Variants in CAPRIN1 observed in about 807,000 individuals in gnomAD.
CAPRIN1 encodes the protein caprin-1.
A neutral mutation model predicts 100.9 loss-of-function variants in CAPRIN1; 29 were observed. The observed-to-expected ratio is 0.29, with a 90% CI of 0.21 to 0.39. The LOEUF (loss-of-function observed/expected upper bound fraction) is 0.39, where lower values mean the gene tolerates loss of function less well. Among genes scored for constraint, CAPRIN1 ranks in the 10% least tolerant of loss-of-function variants. The pLI, the probability that CAPRIN1 is intolerant of heterozygous loss-of-function variation, is 1.00. For synonymous variants in CAPRIN1, 338 were observed against 307.5 expected (o/e 1.10, Z -1.04); for missense variants, 795 against 876.7 (o/e 0.91, Z 1.18).
Position 34,053,195 on chromosome 11 carries a change from C to T in CAPRIN1, c.216+559C>T, listed in dbSNP as rs1733324279. ...TGTTTAGAATCTTAAGGTAGAACTG[C>T]CTTTCCGGCAGGCCCATTTTGAATG... On this transcript the variant is annotated intron_variant, in intron 2 of 18. Coordinates refer to ENST00000341394, the MANE Select transcript of CAPRIN1 (RefSeq NM_005898.5). The T allele has an allele frequency of 4.1e-6, 4 of 980,244 alleles. No homozygotes were observed. In the South Asian group the frequency reaches 1.4e-4, roughly 34 times the overall value. The allele number at this position is 980,244 out of a possible 1,614,324, so 60.7% of individuals were successfully genotyped here.
chr11:34,076,378 A>C lies in CAPRIN1; in HGVS notation c.509A>C (p.Gln170Pro), dbSNP rs1236655132. ...GDDEVRTDLK[Q>P]GLNGVPILSE... ...GATGAAGTGCGGACTGACCTGAAAC[A>C]AGGTTTGAATGGAGTGCCAATATTG... is the stretch of plus-strand genomic sequence containing the variant. The change falls in exon 5 of 19, where the codon CAA (glutamine) becomes CCA (proline). Residue 170 changes from glutamine to proline, a missense_variant. Physicochemically the swap from Gln to Pro is moderately conservative, Grantham distance 76 (BLOSUM62 -1). This residue lies in a region of CAPRIN1 where 648 missense variants were observed against 697.9 expected (regional missense o/e 0.93). Coordinates refer to ENST00000341394, the MANE Select transcript of CAPRIN1 (RefSeq NM_005898.5). The C allele has an allele frequency of 6.2e-7, 1 of 1,614,058 alleles. No individual in the cohort carries two copies. The highest frequency in any genetic ancestry group is 1.3e-5 in the African/African-American group (1 of 74,936).
At chr11:34,070,856 C>T (rs1211829063) in intron 2 of CAPRIN1, among the ~76,000 whole-genome samples, 1 of 151,996 alleles carries the variant, frequency 6.6e-6, no homozygotes, top group Non-Finnish European at 1.5e-5. Context: ...GCATGCACCA[C>T]CATGCCCAGC....
chr11:34,066,223 T>G (rs1375483307), intron 2 of CAPRIN1, among the ~76,000 whole-genome samples: 2 of 152,190 alleles, frequency 1.3e-5, no homozygotes, highest in Non-Finnish European at 2.9e-5. Context: ...CTCAGATGGT[T>G]TCCTCACCTT....
chr11:34,056,031 AAGT>A (rs1266909629), intron 2 of CAPRIN1, among the ~76,000 whole-genome samples: 1 of 152,216 alleles, frequency 6.6e-6, no homozygotes, highest in East Asian at 1.9e-4. Context: ...AACTGTTTTT[AAGT>A]ATAAGTGAGC....
intron 2 of CAPRIN1, among the ~76,000 whole-genome samples, chr11:34,058,672 T>A (rs1412771075): frequency 1.3e-5 from 2 of 152,252 alleles, no homozygotes; most frequent in African/African-American, 4.8e-5. Flanking sequence ...AATGGGGTTC[T>A]GAGAATATCG....
At chr11:34,071,212 T>G (rs1309546138) in intron 2 of CAPRIN1, among the ~76,000 whole-genome samples, 1 of 152,206 alleles carries the variant, frequency 6.6e-6, no homozygotes, top group Admixed American at 6.5e-5. Context: ...GTTGTGCCAT[T>G]GGTTTACAGT....
chr11:34,083,185 C>G, intron 9 of CAPRIN1, 144 bp downstream of exon 9: 1 of 626,758 alleles, frequency 1.6e-6, no homozygotes, highest in Non-Finnish European at 2.8e-6. Context: ...CTGTTACTTC[C>G]AAAAAATGAA....
intron 2 of CAPRIN1, among the ~76,000 whole-genome samples, chr11:34,054,938 T>G (rs1163753211): frequency 6.6e-6 from 1 of 152,170 alleles, no homozygotes. Context: ...GAAAGATAAC[T>G]CCTCAGAGAA....
intron 7 of CAPRIN1, 102 bp downstream of exon 7, chr11:34,079,867 C>A: frequency 3.3e-6 from 3 of 918,986 alleles, no homozygotes; most frequent in Non-Finnish European, 1.5e-6. Context: ...TATATGTACA[C>A]TAGATTTTAT....
intron 15 of CAPRIN1, among the ~76,000 whole-genome samples, chr11:34,092,441 C>G (rs1565097342): frequency 6.6e-6 from 1 of 151,578 alleles, no homozygotes; most frequent in Non-Finnish European, 1.5e-5. Flanking sequence ...ACTGCAACCT[C>G]TGCCTCCTGG....
rs1850904191 is a variant in CAPRIN1, at chr11:34,076,220, T to C, written c.367-16T>C. Reference sequence around the variant, plus strand: ...TATAACTAATTTTGGTGTTTTACTTTTATATTGTTTTGCAGATTCAGAAAA... The same window carrying C: ...TATAACTAATTTTGGTGTTTTACTTCTATATTGTTTTGCAGATTCAGAAAA... On this transcript the variant is annotated splice_polypyrimidine_tract_variant and intron_variant, in intron 4 of 18. Transcript: ENST00000341394. 2 of 1,587,852 alleles carry C rather than the reference T, an allele frequency of 1.3e-6. No individual in the cohort carries two copies. Among genetic ancestry groups the C allele is most frequent in the African/African-American group, 1.3e-5 (1 of 74,084 alleles).
intron 15 of CAPRIN1, among the ~76,000 whole-genome samples, chr11:34,093,896 C>G (rs967778048): frequency 2.6e-5 from 4 of 151,964 alleles, no homozygotes; most frequent in African/African-American, 9.7e-5. Context: ...AATCTCAGGG[C>G]CTTCATACTT....
chr11:34,057,875 C>A (rs868660166), intron 2 of CAPRIN1, among the ~76,000 whole-genome samples: 2 of 151,878 alleles, frequency 1.3e-5, no homozygotes, highest in Non-Finnish European at 2.9e-5. Context: ...CCCGCCACCA[C>A]GCCCGGCTAA....
intron 15 of CAPRIN1, chr11:34,096,040 AAG>A (rs1377501573): frequency 6.6e-6 from 1 of 152,498 alleles, no homozygotes; most frequent in Non-Finnish European, 1.5e-5. Context: ...AAGTAAAAAA[AAG>A]GATATTTAAA....
At chr11:34,060,300 G>A (rs1850550923) in intron 2 of CAPRIN1, among the ~76,000 whole-genome samples, 1 of 150,768 alleles carries the variant, frequency 6.6e-6, no homozygotes, top group African/African-American at 2.4e-5. Flanking sequence ...GTACATTATT[G>A]GAAATTTCAT....
At chr11:34,081,834 C>T (rs1228142716) in intron 7 of CAPRIN1, among the ~76,000 whole-genome samples, 1 of 151,592 alleles carries the variant, frequency 6.6e-6, no homozygotes, top group African/African-American at 2.4e-5. Context: ...ACAGGGGGCA[C>T]TGAGTCTCAC....
chr11:34,085,546 T>G (rs1851121744), intron 9 of CAPRIN1, among the ~76,000 whole-genome samples: 1 of 152,234 alleles, frequency 6.6e-6, no homozygotes, highest in Non-Finnish European at 1.5e-5. Flanking sequence ...GGCTCATGCC[T>G]GTATTCCCAG....
intron 11 of CAPRIN1, among the ~76,000 whole-genome samples, chr11:34,087,099 A>T (rs1050876627): frequency 6.6e-6 from 1 of 152,196 alleles, no homozygotes; most frequent in Non-Finnish European, 1.5e-5. Context: ...CCATTGGGTT[A>T]AGTGGACCTT....
At chr11:34,052,787 C>A (rs1026967015) in intron 2 of CAPRIN1, 151 bp downstream of exon 2, 78 of 1,431,856 alleles carry the variant, frequency 5.4e-5, no homozygotes, top group Non-Finnish European at 6.9e-5. Context: ...CCCGTCTCCA[C>A]GTTCAGCGGG....
Sources: gnomAD v4.1 joint callset for allele counts (sites outside exome capture counted in the v4.1 genomes callset) on GRCh38, gnomAD v4.1.1 for gene constraint, gnomAD v4.1.1 regional missense constraint, MANE v1.5 for transcripts, NCBI Gene and HGNC (gene_info 2026-07-23, HGNC 2026-07-21) for gene names.